Variants in MGMT observed in about 807,000 individuals in gnomAD.
MGMT encodes O-6-methylguanine-DNA methyltransferase.
A neutral mutation model predicts 15.9 loss-of-function variants in MGMT; 14 were observed. The ratio of observed to expected loss-of-function variants is 0.88; its 90% CI spans 0.58 to 1.37. The LOEUF (loss-of-function observed/expected upper bound fraction) is 1.37. Ranked by LOEUF, MGMT falls within the 40% of genes most tolerant of loss-of-function variation. The probability of loss-of-function intolerance (pLI) is 0.00; values close to 1 mark genes in which losing one functional copy is unlikely to be tolerated. For synonymous variants in MGMT, 130 were observed against 118.2 expected (o/e 1.10, Z -0.65); for missense variants, 282 against 268.1 (o/e 1.05, Z -0.36).
In MGMT at chr10:129,723,110, G is replaced by C. The variant is rs80004413; in HGVS notation, c.274+15067G>C. Among the ~76,000 whole-genome samples the C allele has an allele frequency of 4.7e-3, 693 of 148,996 alleles. 14 individuals carry two copies. The highest frequency in any genetic ancestry group is 0.027 in the South Asian group (126 of 4,710). On this transcript the variant is annotated intron_variant, in intron 3 of 4. Transcript: ENST00000651593. Reference sequence around the variant, plus strand: ...CATTTTCAGATCACTTTAATGGTTAGAAATTTGTTCCATAACTTATTTATT... The same window carrying C: ...CATTTTCAGATCACTTTAATGGTTACAAATTTGTTCCATAACTTATTTATT...
chr10:129,568,945 C>T (rs570017919), intron 2 of MGMT, among the ~76,000 whole-genome samples: 1 of 152,378 alleles, frequency 6.6e-6, no homozygotes, highest in Admixed American at 6.5e-5. Flanking sequence ...GCATGAAATA[C>T]AGGAGCAGCC....
chr10:129,582,564 T>C (rs1846569325), intron 2 of MGMT, among the ~76,000 whole-genome samples: 1 of 152,138 alleles, frequency 6.6e-6, no homozygotes, highest in African/African-American at 2.4e-5. Context: ...ATTTCTAAAG[T>C]ATAAAGTCTG....
At chr10:129,670,146 C>T (rs951307305) in intron 2 of MGMT, among the ~76,000 whole-genome samples, 4 of 152,088 alleles carry the variant, frequency 2.6e-5, no homozygotes, top group African/African-American at 9.7e-5. Flanking sequence ...ATTGATTACA[C>T]TCTTTAAATA....
rs534380203 is a variant in MGMT at position 129,476,010 on chromosome 10, G to A, written c.-13+8714G>A. 2.4e-3 allele frequency among the ~76,000 whole-genome samples: 368 copies of A among 152,338 alleles called. 2 individuals are homozygous for A. Among genetic ancestry groups the A allele is most frequent in the African/African-American group, 8.6e-3 (356 of 41,590 alleles). ...TCTGTGCTAAAATGGGGATGTCCCAGGCAGACTGGGGTGGGTGGTCCCTGC... is the reference window on the plus strand; with the variant it reads ...TCTGTGCTAAAATGGGGATGTCCCAAGCAGACTGGGGTGGGTGGTCCCTGC... On this transcript the variant is annotated intron_variant, in intron 1 of 4. Transcript: ENST00000651593.
chr10:129,507,748 C>T (rs904738104), intron 1 of MGMT, among the ~76,000 whole-genome samples: 30 of 152,196 alleles, frequency 2.0e-4, no homozygotes, highest in African/African-American at 6.5e-4. Context: ...TGTATTTCTT[C>T]GCGCACTGCT....
intron 2 of MGMT, among the ~76,000 whole-genome samples, chr10:129,665,300 CCAACTCTCTCTCTCT>C (rs1847646753): frequency 6.9e-6 from 1 of 145,152 alleles, no homozygotes; most frequent in Non-Finnish European, 1.5e-5. Context: ...TCTCTCTCTC[CCAACTCTCTCTCTCT>C]CTCTAACTCA....
intron 2 of MGMT, among the ~76,000 whole-genome samples, chr10:129,576,575 TATC>T (rs1846485506): frequency 6.6e-6 from 1 of 152,112 alleles, no homozygotes; most frequent in Non-Finnish European, 1.5e-5. Flanking sequence ...CCACAGCCAA[TATC>T]ATACTGAATG....
In MGMT at chr10:129,734,779, G is replaced by A. The variant is rs571582352; in HGVS notation, c.275-24423G>A. ...AGAGTTTTTAGCATGAAGGGTTGTT[G>A]AATTTTGTCAAAGGCCTTTTCTGCA... On this transcript the variant is annotated intron_variant, in intron 3 of 4. Coordinates refer to ENST00000651593, the MANE Select transcript of MGMT (RefSeq NM_002412.5). 8.5e-5 allele frequency among the ~76,000 whole-genome samples: 13 copies of A among 152,252 alleles called. No homozygotes were observed. In the South Asian group the frequency reaches 2.7e-3, roughly 32 times the overall value.
intron 2 of MGMT, among the ~76,000 whole-genome samples, chr10:129,571,393 C>T (rs982192299): frequency 1.3e-5 from 2 of 152,146 alleles, no homozygotes; most frequent in Non-Finnish European, 2.9e-5. Context: ...GGCAAAGATG[C>T]CTGCTACCCA....
At chr10:129,652,707 G>A (rs959620978) in intron 2 of MGMT, among the ~76,000 whole-genome samples, 27 of 152,246 alleles carry the variant, frequency 1.8e-4, no homozygotes, top group Admixed American at 3.3e-4. Context: ...GTCAGCTGCC[G>A]GAGAGTCAGC....
intron 2 of MGMT, among the ~76,000 whole-genome samples, chr10:129,691,521 A>AG (rs1423442920): frequency 2.6e-5 from 4 of 152,196 alleles, no homozygotes; most frequent in East Asian, 1.9e-4. Context: ...AGCCTTCAAG[A>AG]GGACAGGTTC....
intron 3 of MGMT, among the ~76,000 whole-genome samples, chr10:129,741,909 C>G (rs888247864): frequency 9.9e-5 from 15 of 152,248 alleles, no homozygotes; most frequent in Non-Finnish European, 2.1e-4. Context: ...GAGCCCCCAT[C>G]AGCCAGGTCA....
At chr10:129,755,078 G>T (rs1848789817) in intron 3 of MGMT, among the ~76,000 whole-genome samples, 1 of 152,212 alleles carries the variant, frequency 6.6e-6, no homozygotes, top group Non-Finnish European at 1.5e-5. Flanking sequence ...TCTTTCCAAG[G>T]CTGCCAACTA....
At chr10:129,606,413 TTGG>T (rs1444908291) in intron 2 of MGMT, among the ~76,000 whole-genome samples, 3 of 152,284 alleles carry the variant, frequency 2.0e-5, no homozygotes, top group Admixed American at 1.3e-4. Flanking sequence ...CTTTTGGTAA[TTGG>T]TGGCTTTTCC....
chr10:129,635,218 G>A (rs1847252011), intron 2 of MGMT, among the ~76,000 whole-genome samples: 1 of 152,178 alleles, frequency 6.6e-6, no homozygotes, highest in South Asian at 2.1e-4. Flanking sequence ...TGACATGGCG[G>A]TGCCCATCAG....
chr10:129,536,591 GAACC>G, intron 2 of MGMT: 1 of 554,012 alleles, frequency 1.8e-6, no homozygotes, highest in South Asian at 2.7e-5. Context: ...CACCTCCGAT[GAACC>G]CAGGGCCGTT....
intron 2 of MGMT, among the ~76,000 whole-genome samples, chr10:129,587,398 C>T (rs1479100927): frequency 1.3e-5 from 2 of 148,180 alleles, no homozygotes; most frequent in African/African-American, 5.0e-5. Context: ...TCTGCAATGC[C>T]TAATATGCTT....
At chr10:129,748,914 T>G (rs76336436) in intron 3 of MGMT, among the ~76,000 whole-genome samples, 12,968 of 152,232 alleles carry the variant, frequency 0.085, 799 homozygotes, top group Non-Finnish European at 0.13. Flanking sequence ...GTTTAACACC[T>G]GTGCTCATGG....
chr10:129,765,586 G>T (rs751408539), intron 4 of MGMT, among the ~76,000 whole-genome samples: 5 of 152,202 alleles, frequency 3.3e-5, no homozygotes, highest in South Asian at 2.1e-4. Context: ...CAGTGGCATG[G>T]CCATGGTGGC....
Sources: allele counts gnomAD v4.1 joint callset (sites outside exome capture counted in the v4.1 genomes callset), GRCh38; gene constraint gnomAD v4.1.1; transcripts MANE v1.5; gene names NCBI Gene and HGNC (gene_info 2026-07-23, HGNC 2026-07-21).